STX18: variants seen among roughly 807,000 people sequenced by gnomAD.
The protein encoded by STX18 is syntaxin 18.
Under a neutral mutation model 50.1 loss-of-function variants are expected in STX18, and 40 were observed. The ratio of observed to expected loss-of-function variants is 0.80; its 90% CI spans 0.62 to 1.04. The LOEUF (loss-of-function observed/expected upper bound fraction) is 1.04, where lower values mean the gene tolerates loss of function less well. Ranked by LOEUF, STX18 falls within the 50% of genes least tolerant of loss-of-function variation. The probability of loss-of-function intolerance (pLI) is 0.00; values close to 1 mark genes in which losing one functional copy is unlikely to be tolerated. For missense variants in STX18, 410 were observed against 415.8 expected, an observed-to-expected ratio of 0.99 and a Z score of 0.12; for synonymous variants, 158 against 151.8, an observed-to-expected ratio of 1.04 and a Z score of -0.30.
chr4:4,483,914 T>C (rs1465212212), intron 1 of STX18, among the ~76,000 whole-genome samples: 1 of 151,912 alleles, frequency 6.6e-6, no homozygotes, highest in Non-Finnish European at 1.5e-5. Context: ...CAGGCTGGAG[T>C]GCAGTGGCAT....
intron 1 of STX18, among the ~76,000 whole-genome samples, chr4:4,519,354 T>C (rs1730416653): frequency 6.6e-6 from 1 of 152,154 alleles, no homozygotes; most frequent in Admixed American, 6.5e-5. Context: ...CATCTGTAGC[T>C]CAAGGAACAC....
intron 1 of STX18, among the ~76,000 whole-genome samples, chr4:4,500,614 A>G (rs1486868563): frequency 1.3e-5 from 2 of 152,260 alleles, no homozygotes; most frequent in Admixed American, 6.5e-5. Flanking sequence ...TAGCCCTCAT[A>G]TAAGTTAAAC....
rs149700132 is a variant in STX18, at chr4:4,486,413, T to G, written c.169-14707A>C. Among the ~76,000 whole-genome samples the G allele has an allele frequency of 6.6e-4, 100 of 152,322 alleles. 2 individuals carry two copies. Among genetic ancestry groups the G allele is most frequent in the African/African-American group, 2.2e-3 (90 of 41,566 alleles). On this transcript the variant is annotated intron_variant, in intron 1 of 10. Transcript: ENST00000306200. ...GACAAGAAAAGAATTACCTTGACAATTCATAACAGACAACGAATGTGGATA... is the reference window on the plus strand; with the variant it reads ...GACAAGAAAAGAATTACCTTGACAAGTCATAACAGACAACGAATGTGGATA...
At chr4:4,441,701 G>C (rs1465338340) in intron 5 of STX18, among the ~76,000 whole-genome samples, 1 of 152,102 alleles carries the variant, frequency 6.6e-6, no homozygotes, top group Non-Finnish European at 1.5e-5. Context: ...AATGTAATGT[G>C]ATCCCAATAA....
chr4:4,426,354 T>C (rs1725241600), intron 7 of STX18: 1 of 152,200 alleles, frequency 6.6e-6, no homozygotes, highest in South Asian at 2.1e-4. Context: ...AGGCATTCTG[T>C]AAGCAGGAGT....
intron 2 of STX18, among the ~76,000 whole-genome samples, chr4:4,460,300 G>A (rs1463558518): frequency 6.6e-6 from 1 of 152,138 alleles, no homozygotes; most frequent in Admixed American, 6.5e-5. Flanking sequence ...ACTTTTGAAT[G>A]AACTGAACCA....
At chr4:4,537,475 T>C (rs1731396771) in intron 1 of STX18, among the ~76,000 whole-genome samples, 1 of 152,110 alleles carries the variant, frequency 6.6e-6, no homozygotes, top group African/African-American at 2.4e-5. Flanking sequence ...TAAAGAAACA[T>C]TCCTCTGGCT....
chr4:4,422,681 C>T (rs1469426831), intron 9 of STX18, among the ~76,000 whole-genome samples: 2 of 152,192 alleles, frequency 1.3e-5, no homozygotes, highest in Non-Finnish European at 2.9e-5. Context: ...CCTGGAGCCG[C>T]TGGGAGGTTT....
intron 1 of STX18, among the ~76,000 whole-genome samples, chr4:4,518,242 G>GT (rs1247195291): frequency 1.3e-5 from 2 of 152,126 alleles, no homozygotes; most frequent in Admixed American, 6.6e-5. Flanking sequence ...TTTGTTAAAC[G>GT]TAAGATATAC....
chr4:4,471,572 G>T, intron 2 of STX18, 67 bp downstream of exon 2: 2 of 1,103,790 alleles, frequency 1.8e-6, no homozygotes, highest in Non-Finnish European at 2.5e-6. Context: ...GGCAAAAAGC[G>T]CAAAAGAAAT....
intron 9 of STX18, among the ~76,000 whole-genome samples, chr4:4,421,895 T>G (rs1270818982): frequency 6.6e-6 from 1 of 152,048 alleles, no homozygotes; most frequent in Non-Finnish European, 1.5e-5. Flanking sequence ...TTGAGAAGCG[T>G]GGGATAACAC....
chr4:4,424,950 T>TGGCAGC (rs1181163782), intron 8 of STX18, among the ~76,000 whole-genome samples: 2 of 152,122 alleles, frequency 1.3e-5, no homozygotes, highest in Non-Finnish European at 2.9e-5. Flanking sequence ...CCCGCAGCAG[T>TGGCAGC]GGCAGCAGGC....
intron 7 of STX18, among the ~76,000 whole-genome samples, chr4:4,430,533 G>C (rs1334755864): frequency 2.0e-5 from 3 of 152,242 alleles, no homozygotes; most frequent in Non-Finnish European, 4.4e-5. Flanking sequence ...TGCTGATTCT[G>C]ATTGCTTTAG....
At chr4:4,507,849 G>A (rs1278342097) in intron 1 of STX18, 1 of 643,150 alleles carries the variant, frequency 1.6e-6, no homozygotes, top group Non-Finnish European at 2.6e-6. Context: ...TTAAAAAGCG[G>A]CAGCTAGCTA....
intron 5 of STX18, among the ~76,000 whole-genome samples, chr4:4,449,553 T>C (rs1218069921): frequency 6.6e-6 from 1 of 152,252 alleles, no homozygotes; most frequent in East Asian, 1.9e-4. Flanking sequence ...GTTTGATGTT[T>C]CCTCGCGGTT....
chr4:4,521,037 A>T (rs1730484489), intron 1 of STX18, among the ~76,000 whole-genome samples: 2 of 152,246 alleles, frequency 1.3e-5, no homozygotes, highest in Admixed American at 1.3e-4. Context: ...ATCCCACCTG[A>T]CTTCATTTAC....
chr4:4,488,949 T>C (rs1048090378), intron 1 of STX18, among the ~76,000 whole-genome samples: 1 of 152,192 alleles, frequency 6.6e-6, no homozygotes, highest in African/African-American at 2.4e-5. Flanking sequence ...AGAACATACA[T>C]TCAACATCCA....
intron 1 of STX18, among the ~76,000 whole-genome samples, chr4:4,522,806 G>A (rs1261446538): frequency 6.6e-6 from 1 of 152,182 alleles, no homozygotes; most frequent in Non-Finnish European, 1.5e-5. Context: ...CCTTCAAGAA[G>A]TCAAGATACT....
chr4:4,462,112 A>G, intron 2 of STX18, among the ~76,000 whole-genome samples: 1 of 152,176 alleles, frequency 6.6e-6, no homozygotes, highest in East Asian at 1.9e-4. Flanking sequence ...GATAAAGCTG[A>G]TATGACACGT....
Sources: gnomAD v4.1 joint callset for allele counts (sites outside exome capture counted in the v4.1 genomes callset) on GRCh38, gnomAD v4.1.1 for gene constraint, MANE v1.5 for transcripts, NCBI Gene and HGNC (gene_info 2026-07-23, HGNC 2026-07-21) for gene names.